The following PDZD2 variants were observed in gnomAD, a reference collection of about 807,000 sequenced individuals.
The protein encoded by PDZD2 is PDZ domain-containing protein 2.
Under a neutral mutation model 220.7 loss-of-function variants are expected in PDZD2, and 90 were observed. The ratio of observed to expected loss-of-function variants is 0.41; its 90% CI spans 0.34 to 0.49. The LOEUF (loss-of-function observed/expected upper bound fraction) is 0.49, where lower values mean the gene tolerates loss of function less well. Among genes scored for constraint, PDZD2 ranks in the 20% least tolerant of loss-of-function variants. PDZD2 has a pLI of 0.28. For synonymous variants in PDZD2, 1,375 were observed against 1,450.5 expected, an observed-to-expected ratio of 0.95 and a Z score of 1.18; for missense variants, 3,174 against 3,608.5, an observed-to-expected ratio of 0.88 and a Z score of 3.08.
chr5:31,679,047 G>A (rs1418917003), intron 1 of PDZD2, among the ~76,000 whole-genome samples: 2 of 152,118 alleles, frequency 1.3e-5, no homozygotes, highest in African/African-American at 2.4e-5. Context: ...TTCCCTGCCG[G>A]ACTATTTGGG....
chr5:32,014,196 G>T (rs1289648534), intron 6 of PDZD2, among the ~76,000 whole-genome samples: 1 of 152,204 alleles, frequency 6.6e-6, no homozygotes, highest in Non-Finnish European at 1.5e-5. Flanking sequence ...TGATGATGAT[G>T]AAACCTGCCG....
chr5:32,031,397 C>CCCTG (rs753790647), intron 6 of PDZD2, among the ~76,000 whole-genome samples: 162 of 152,292 alleles, frequency 1.1e-3, no homozygotes, highest in Non-Finnish European at 9.6e-4. Context: ...GGGACCAGAG[C>CCCTG]ATGTTTTCAA....
chr5:31,686,867 T>C (rs947702931), intron 1 of PDZD2, among the ~76,000 whole-genome samples: 3 of 152,236 alleles, frequency 2.0e-5, no homozygotes, highest in African/African-American at 7.2e-5. Context: ...GAATTGTCTT[T>C]GTTTCTAGAC....
At chr5:31,854,433 C>T (rs186780567) in intron 2 of PDZD2, among the ~76,000 whole-genome samples, 11 of 152,324 alleles carry the variant, frequency 7.2e-5, no homozygotes, top group African/African-American at 2.6e-4. Context: ...ACTTTGGTTA[C>T]TCCAGCCGAA....
chr5:31,741,620 C>CT (rs1440665788), intron 1 of PDZD2, among the ~76,000 whole-genome samples: 1 of 152,170 alleles, frequency 6.6e-6, no homozygotes, highest in Non-Finnish European at 1.5e-5. Context: ...ATTATGTACT[C>CT]TGAGTTCCTC....
At chr5:31,893,029 A>G (rs1741198113) in intron 2 of PDZD2, among the ~76,000 whole-genome samples, 2 of 152,224 alleles carry the variant, frequency 1.3e-5, no homozygotes, top group South Asian at 2.1e-4. Flanking sequence ...GGAAGCAGAC[A>G]AAAACTAAGC....
intron 7 of PDZD2, among the ~76,000 whole-genome samples, chr5:32,043,224 T>C (rs1156874556): frequency 6.6e-6 from 1 of 152,226 alleles, no homozygotes; most frequent in Non-Finnish European, 1.5e-5. Context: ...ACAAGTGGCA[T>C]ATTTGGCTGA....
chr5:32,101,198 T>C lies in PDZD2; in HGVS notation c.8312T>C (p.Val2771Ala). 1 of 1,614,050 alleles carries C rather than the reference T, an allele frequency of 6.2e-7. No individual in the cohort carries two copies. Among genetic ancestry groups the C allele is most frequent in the Non-Finnish European group, 8.5e-7 (1 of 1,179,962 alleles). ...AGTCTGGATGGGGGAAAATCATCGG[T>C]GACGGGAGATGGGCCCTTGGTCATT... Reference protein sequence around the residue: ...GLSLDGGKSSVTGDGPLVIKR... With the variant: ...GLSLDGGKSSATGDGPLVIKR... Residue 2771 changes from valine (V) to alanine (A), a missense_variant, in exon 24 of 25, where the codon GTG becomes GCG. Transcript: ENST00000438447.
At chr5:32,073,446 T>G (rs893077890) in intron 17 of PDZD2, among the ~76,000 whole-genome samples, 1 of 152,148 alleles carries the variant, frequency 6.6e-6, no homozygotes, top group African/African-American at 2.4e-5. Flanking sequence ...GTGTGGGACA[T>G]GTCATCAGTC....
At chr5:32,097,728 T>G (rs1315815765) in intron 22 of PDZD2, among the ~76,000 whole-genome samples, 1 of 151,948 alleles carries the variant, frequency 6.6e-6, no homozygotes, top group Non-Finnish European at 1.5e-5. Context: ...TCACTCAAAA[T>G]TTTACATCAT....
At chr5:32,040,016 G>A (rs1202919134) in intron 7 of PDZD2, among the ~76,000 whole-genome samples, 1 of 148,350 alleles carries the variant, frequency 6.7e-6, no homozygotes, top group Non-Finnish European at 1.5e-5. Context: ...CCTCTGCCTG[G>A]CCGCCCAGTC....
intron 1 of PDZD2, among the ~76,000 whole-genome samples, chr5:31,698,928 A>G (rs2150132647): frequency 6.6e-6 from 1 of 152,222 alleles, no homozygotes; most frequent in Admixed American, 6.5e-5. Flanking sequence ...CAGGCAGAGG[A>G]TGTGTCTTTG....
At position 31,937,903 on chromosome 5, in the gene PDZD2, C is replaced by A. The variant is rs1581121314; in HGVS notation, c.477-45252C>A. 2.0e-5 allele frequency among the ~76,000 whole-genome samples: 3 copies of A among 152,190 alleles called. No homozygotes were observed. In the South Asian group the frequency reaches 6.2e-4, roughly 32 times the overall value. The stretch of plus-strand genomic sequence containing the variant: ...GAAGCGGTGTTCAGCAAGCTATGGC[C>A]CTTAGGCAAATCCAGACTGCCCTAG... On this transcript the variant is annotated intron_variant, in intron 2 of 24. Coordinates refer to ENST00000438447, the MANE Select transcript of PDZD2 (RefSeq NM_178140.4).
At chr5:31,988,797 G>T (rs1184857207) in intron 3 of PDZD2, among the ~76,000 whole-genome samples, 2 of 152,028 alleles carry the variant, frequency 1.3e-5, no homozygotes, top group African/African-American at 2.4e-5. Flanking sequence ...CGAGTGCTCC[G>T]CTCACTACCT....
chr5:31,994,706 C>T (rs1751496034), intron 3 of PDZD2, among the ~76,000 whole-genome samples: 1 of 151,666 alleles, frequency 6.6e-6, no homozygotes, highest in Non-Finnish European at 1.5e-5. Context: ...AGGCTGGTCT[C>T]AAACTCCTGA....
intron 1 of PDZD2, among the ~76,000 whole-genome samples, chr5:31,661,933 C>T (rs1056148693): frequency 2.6e-5 from 4 of 152,050 alleles, no homozygotes; most frequent in African/African-American, 9.7e-5. Context: ...CAGCTGTAGT[C>T]CAGACACGTC....
intron 1 of PDZD2, among the ~76,000 whole-genome samples, chr5:31,641,292 G>A (rs537654406): frequency 1.3e-5 from 2 of 152,280 alleles, no homozygotes; most frequent in East Asian, 1.9e-4. Flanking sequence ...ATTGGATGAA[G>A]GAGTGAAGAG....
rs1041836258 is a variant in PDZD2 at position 32,083,876 on chromosome 5, C to T, written c.3683-3255C>T. Among the ~76,000 whole-genome samples the T allele has an allele frequency of 6.6e-6, 1 of 152,058 alleles. No homozygotes were observed. Among genetic ancestry groups the T allele is most frequent in the African/African-American group, 2.4e-5 (1 of 41,408 alleles). On this transcript the variant is annotated intron_variant, in intron 19 of 24. Transcript: ENST00000438447. This position sits in a 1 kb window ranked among gnomAD's most constrained non-coding sequence, Gnocchi z 4.1. ...ATTTTTAGTAGAGATGGGATTTCCC[C>T]ATGTTGGCCAGGCTGGTTTCGAACT...
At chr5:32,062,741 C>G (rs1297942231) in intron 14 of PDZD2, among the ~76,000 whole-genome samples, 12 of 152,230 alleles carry the variant, frequency 7.9e-5, no homozygotes, top group Non-Finnish European at 1.2e-4. Flanking sequence ...ATTAACTACT[C>G]ACACAATTGT....
Sources: allele counts gnomAD v4.1 joint callset (sites outside exome capture counted in the v4.1 genomes callset), GRCh38; gene constraint gnomAD v4.1.1; non-coding constraint Gnocchi (gnomAD v3.1); transcripts MANE v1.5; gene names NCBI Gene and HGNC (gene_info 2026-07-23, HGNC 2026-07-21).